SAMD5: variants seen among roughly 807,000 people sequenced by gnomAD.
SAMD5 encodes sterile alpha motif domain-containing protein 5.
In SAMD5, 13 loss-of-function variants were observed where a neutral mutation model predicts 11.3. The ratio of observed to expected loss-of-function variants is 1.15; its 90% CI spans 0.75 to 1.83. The LOEUF is 1.83. Ranked by LOEUF, SAMD5 falls within the 40% of genes most tolerant of loss-of-function variation. SAMD5 has a pLI of 0.00. For synonymous variants in SAMD5, 129 were observed against 111.3 expected (o/e 1.16, Z -1.00); for missense variants, 255 against 239.1 (o/e 1.07, Z -0.44).
At chr6:147,541,515 T>C (rs1240307479) in intron 1 of SAMD5, among the ~76,000 whole-genome samples, 1 of 152,118 alleles carries the variant, frequency 6.6e-6, no homozygotes, top group Non-Finnish European at 1.5e-5. Context: ...CAAACGGTAA[T>C]TCACAATGGG....
the SAMD5 span, among the ~76,000 whole-genome samples, chr6:147,755,868 G>A: frequency 6.6e-6 from 1 of 152,074 alleles, no homozygotes; most frequent in Admixed American, 6.6e-5. Context: ...TTTAATTATA[G>A]AATATATGTT....
At chr6:147,687,317 C>G (rs1299499190) in intron 1 of SAMD5, among the ~76,000 whole-genome samples, 1 of 138,570 alleles carries the variant, frequency 7.2e-6, no homozygotes, top group Non-Finnish European at 1.5e-5. Context: ...GAGTCTCACT[C>G]CATTACCCAG....
chr6:147,713,274 C>T (rs1484350546), intron 1 of SAMD5, among the ~76,000 whole-genome samples: 1 of 152,168 alleles, frequency 6.6e-6, no homozygotes, highest in East Asian at 1.9e-4. Context: ...GGTTCTCTAA[C>T]AGTTGCATGA....
At chr6:147,614,647 G>A (rs1789839185) in intron 1 of SAMD5, among the ~76,000 whole-genome samples, 1 of 151,898 alleles carries the variant, frequency 6.6e-6, no homozygotes, top group African/African-American at 2.4e-5. Flanking sequence ...TAGGAAGCTG[G>A]AAAGTGGTTA....
chr6:147,538,994 AG>A (rs1788557367), intron 1 of SAMD5, among the ~76,000 whole-genome samples: 1 of 152,168 alleles, frequency 6.6e-6, no homozygotes, highest in Admixed American at 6.5e-5. Context: ...TTCGGCACTT[AG>A]AAGATTTTTC....
chr6:147,814,417 T>C, the SAMD5 span, among the ~76,000 whole-genome samples: 1 of 152,182 alleles, frequency 6.6e-6, no homozygotes, highest in Non-Finnish European at 1.5e-5. Flanking sequence ...GATTCTATAT[T>C]TTTTTAGGCA....
chr6:147,935,067 G>A, the SAMD5 span, among the ~76,000 whole-genome samples: 3 of 152,164 alleles, frequency 2.0e-5, no homozygotes, highest in African/African-American at 4.8e-5. Flanking sequence ...ATTCAGGTTC[G>A]TAACGTGCAA....
the SAMD5 span, among the ~76,000 whole-genome samples, chr6:147,836,918 A>G: frequency 6.6e-6 from 1 of 152,220 alleles, no homozygotes; most frequent in Non-Finnish European, 1.5e-5. Context: ...GTTAATAATG[A>G]TAGATATTTT....
At chr6:147,908,754 T>C in the SAMD5 span, among the ~76,000 whole-genome samples, 2 of 152,208 alleles carry the variant, frequency 1.3e-5, no homozygotes, top group African/African-American at 4.8e-5. Context: ...GGAAAGCTTA[T>C]TGAAGGGATC....
chr6:147,619,496 A>G (rs914692255), intron 1 of SAMD5, among the ~76,000 whole-genome samples: 2 of 152,234 alleles, frequency 1.3e-5, no homozygotes, highest in African/African-American at 4.8e-5. Context: ...TTGTGAGGAT[A>G]CGTTTAAGTA....
chr6:147,639,416 C>G (rs1445099035), intron 1 of SAMD5, among the ~76,000 whole-genome samples: 1 of 152,206 alleles, frequency 6.6e-6, no homozygotes, highest in Non-Finnish European at 1.5e-5. Context: ...TTTCAATACA[C>G]TTTGTGCATA....
chr6:147,789,407 T>A, the SAMD5 span, among the ~76,000 whole-genome samples: 3 of 152,110 alleles, frequency 2.0e-5, no homozygotes, highest in Admixed American at 1.3e-4. Context: ...GCTTCTGCCA[T>A]CTCCCTGCCC....
intron 1 of SAMD5, among the ~76,000 whole-genome samples, chr6:147,585,180 A>G (rs922545204): frequency 6.6e-6 from 1 of 152,152 alleles, no homozygotes; most frequent in Non-Finnish European, 1.5e-5. Context: ...AATCTGGAGA[A>G]TATCATGGCG....
chr6:147,915,947 T>C, the SAMD5 span, among the ~76,000 whole-genome samples: 1 of 130,084 alleles, frequency 7.7e-6, no homozygotes, highest in Non-Finnish European at 1.6e-5. Flanking sequence ...TTCTCCTTCC[T>C]GTGTCCAAGT....
the SAMD5 span, among the ~76,000 whole-genome samples, chr6:147,877,832 C>A: frequency 9.0e-6 from 1 of 110,980 alleles, no homozygotes; most frequent in Non-Finnish European, 1.9e-5. Context: ...CTTTCCCTCT[C>A]TCCTTTTATA....
intron 1 of SAMD5, among the ~76,000 whole-genome samples, chr6:147,576,459 A>G (rs1789218701): frequency 6.6e-6 from 1 of 152,046 alleles, no homozygotes; most frequent in Admixed American, 6.6e-5. Context: ...AAGTTTTAAG[A>G]TGTTTTCAGG....
At chr6:147,518,441 A>G (rs1401200162) in intron 1 of SAMD5, among the ~76,000 whole-genome samples, 1 of 152,216 alleles carries the variant, frequency 6.6e-6, no homozygotes, top group African/African-American at 2.4e-5. Context: ...AATAAGAACT[A>G]TATATATGGA....
In SAMD5 at chr6:147,564,383, C is replaced by A; in HGVS notation, c.460-11C>A. ...AGAACTTCAATAACCCAGATATGTT[C>A]AAATCCACAGGTCCCAATGGCTGGC... On this transcript the variant is annotated splice_polypyrimidine_tract_variant and intron_variant, in intron 1 of 1. Coordinates refer to ENST00000367474, the MANE Select transcript of SAMD5 (RefSeq NM_001030060.3). 2 of 780,582 alleles carry A rather than the reference C, an allele frequency of 2.6e-6. No individual in the cohort carries two copies. The highest frequency in any genetic ancestry group is 2.7e-5 in the South Asian group (2 of 74,532). 48.4% of individuals were successfully genotyped at this position (780,582 alleles called of 1,614,324 possible). A position where few individuals can be genotyped will look rare whatever the true frequency, so the allele number is the denominator to read the frequency against.
chr6:147,897,932 G>A, the SAMD5 span, among the ~76,000 whole-genome samples: 1 of 122,084 alleles, frequency 8.2e-6, no homozygotes, highest in Admixed American at 1.0e-4. Flanking sequence ...GCAACAGAGT[G>A]AGATTTTTCT....
Sources: gnomAD v4.1 joint callset for allele counts (sites outside exome capture counted in the v4.1 genomes callset) on GRCh38, gnomAD v4.1.1 for gene constraint, MANE v1.5 for transcripts, NCBI Gene and HGNC (gene_info 2026-07-23, HGNC 2026-07-21) for gene names.